Variants in DLG2 observed in about 807,000 individuals in gnomAD.
DLG2 encodes disks large homolog 2.
DLG2 carries 45 observed loss-of-function variants against 132.5 expected under a neutral mutation model. The ratio of observed to expected loss-of-function variants is 0.34; its 90% confidence interval spans 0.27 to 0.44. DLG2 has a LOEUF of 0.44. DLG2 is among the 20% of genes least tolerant of loss of function. The pLI is 1.00. For synonymous variants in DLG2, 424 were observed against 419.6 expected (o/e 1.01, Z -0.13); for missense variants, 1,045 against 1,196.9 (o/e 0.87, Z 1.87).
At chr11:84,673,165 C>A (rs1485935560) in intron 6 of DLG2, among the ~76,000 whole-genome samples, 8 of 152,048 alleles carry the variant, frequency 5.3e-5, no homozygotes, top group African/African-American at 1.9e-4. Flanking sequence ...CAAACCGTAT[C>A]ACCTGGACAT....
intron 3 of DLG2, among the ~76,000 whole-genome samples, chr11:85,381,328 G>C (rs1033104926): frequency 6.6e-6 from 1 of 152,156 alleles, no homozygotes; most frequent in Non-Finnish European, 1.5e-5. Flanking sequence ...GCATCAGTCT[G>C]TATAACAGAT....
chr11:84,046,590 A>T (rs1393422252), intron 11 of DLG2, among the ~76,000 whole-genome samples: 1 of 151,544 alleles, frequency 6.6e-6, no homozygotes, highest in Non-Finnish European at 1.5e-5. Flanking sequence ...CTCTTCCAGA[A>T]ATGTACCTAG....
intron 6 of DLG2, among the ~76,000 whole-genome samples, chr11:85,087,203 A>G (rs1285977077): frequency 6.6e-6 from 1 of 152,216 alleles, no homozygotes; most frequent in East Asian, 1.9e-4. Flanking sequence ...ATGTAATTTA[A>G]AAGCTAAGCA....
chr11:83,984,093 C>T (rs1057456767), intron 11 of DLG2, among the ~76,000 whole-genome samples: 7 of 151,864 alleles, frequency 4.6e-5, no homozygotes, highest in Non-Finnish European at 8.8e-5. Flanking sequence ...ACCATAAAAA[C>T]GGGTAAGTTC....
intron 21 of DLG2, among the ~76,000 whole-genome samples, chr11:83,525,627 T>C (rs528585361): frequency 6.6e-6 from 1 of 152,256 alleles, no homozygotes; most frequent in Non-Finnish European, 1.5e-5. Context: ...TTATTCACCT[T>C]GAGGGCAAAG....
intron 3 of DLG2, among the ~76,000 whole-genome samples, chr11:85,389,745 T>A (rs919389251): frequency 6.6e-6 from 1 of 152,126 alleles, no homozygotes. Context: ...AAGAATTTTG[T>A]ATATCCAGAG....
rs917667778 is a variant in DLG2 at position 85,303,504 on chromosome 11, T to C, written c.41-18139A>G. 2.6e-5 allele frequency among the ~76,000 whole-genome samples: 4 copies of C among 152,230 alleles called. 1 individual carries two copies. The South Asian group carries it at 8.3e-4, about 32-fold the overall frequency. On this transcript the variant is annotated intron_variant, in intron 3 of 27. Coordinates refer to ENST00000376104, the MANE Select transcript of DLG2 (RefSeq NM_001142699.3). ...GTGCTATTTATATGCAATGTACACA[T>C]ACCCATGTATGTTCCCCTTATTACC...
intron 4 of DLG2, among the ~76,000 whole-genome samples, chr11:85,236,380 C>A (rs1166816566): frequency 1.3e-5 from 2 of 151,860 alleles, no homozygotes; most frequent in African/African-American, 4.8e-5. Context: ...GAGTAGATTT[C>A]CTCTGAGACC....
chr11:83,800,899 C>T (rs1217332090), intron 17 of DLG2, among the ~76,000 whole-genome samples: 1 of 152,092 alleles, frequency 6.6e-6, no homozygotes, highest in African/African-American at 2.4e-5. Context: ...AAATATTATA[C>T]AAACACAAGC....
At chr11:85,018,754 T>G (rs905286811) in intron 6 of DLG2, among the ~76,000 whole-genome samples, 6 of 151,650 alleles carry the variant, frequency 4.0e-5, no homozygotes, top group African/African-American at 1.5e-4. Flanking sequence ...GTAATAAACG[T>G]GAATGAAAAA....
rs563764226 is a variant in DLG2 at position 84,987,665 on chromosome 11, G to A, written c.357+123996C>T. Among the ~76,000 whole-genome samples, 3 of 152,238 alleles carry A rather than the reference G, an allele frequency of 2.0e-5. No individual in the cohort carries two copies. The East Asian group carries it at 5.8e-4, about 29-fold the overall frequency. On this transcript the variant is annotated intron_variant, in intron 6 of 27. Transcript: ENST00000376104. The stretch of plus-strand genomic sequence containing the variant: ...ACAAAGCAAACAAAAACATAAAGTG[G>A]GGAAAAGACACCCTATTCAACAAAC...
intron 7 of DLG2, among the ~76,000 whole-genome samples, chr11:84,327,190 C>T (rs551027741): frequency 6.9e-6 from 1 of 144,802 alleles, no homozygotes; most frequent in Admixed American, 7.2e-5. Context: ...AATCTCGGCT[C>T]ACTTCAACCT....
intron 3 of DLG2, among the ~76,000 whole-genome samples, chr11:85,474,173 T>C (rs559737829): frequency 2.0e-4 from 30 of 152,100 alleles, no homozygotes; most frequent in African/African-American, 6.0e-4. Context: ...ACAACCAAAA[T>C]AGACTTTAAT....
intron 7 of DLG2, among the ~76,000 whole-genome samples, chr11:84,438,185 C>T (rs931896628): frequency 6.6e-6 from 1 of 152,150 alleles, no homozygotes; most frequent in African/African-American, 2.4e-5. Context: ...CCATTTGGTC[C>T]AAGGAATATC....
intron 5 of DLG2, among the ~76,000 whole-genome samples, chr11:85,150,742 G>C (rs2152452926): frequency 6.9e-6 from 1 of 144,624 alleles, no homozygotes; most frequent in South Asian, 2.3e-4. Context: ...GTGTGTGTGT[G>C]TGTGTGTGTA....
intron 6 of DLG2, among the ~76,000 whole-genome samples, chr11:84,784,321 A>AAAATAAATAAAT (rs58436058): frequency 0.033 from 4,122 of 124,344 alleles, 117 homozygotes; most frequent in African/African-American, 0.062. Flanking sequence ...ACTCCACCTC[A>AAAATAAATAAAT]AAATAAATAA....
chr11:83,619,385 A>G (rs1566084956), intron 19 of DLG2, among the ~76,000 whole-genome samples: 2 of 152,218 alleles, frequency 1.3e-5, no homozygotes, highest in African/African-American at 2.4e-5. Flanking sequence ...ATCTAAGAAA[A>G]TGTGGTATTT....
chr11:84,351,619 A>G (rs2098572676), intron 7 of DLG2, among the ~76,000 whole-genome samples: 1 of 152,196 alleles, frequency 6.6e-6, no homozygotes, highest in African/African-American at 2.4e-5. Context: ...GAGCGCCTGG[A>G]ACATAGTGGA....
At chr11:84,857,473 A>G (rs1312109559) in intron 6 of DLG2, among the ~76,000 whole-genome samples, 1 of 152,016 alleles carries the variant, frequency 6.6e-6, no homozygotes, top group Non-Finnish European at 1.5e-5. Context: ...AAGGCACAGG[A>G]GGAATCAGTC....
Sources: allele counts gnomAD v4.1 joint callset (sites outside exome capture counted in the v4.1 genomes callset), GRCh38; gene constraint gnomAD v4.1.1; transcripts MANE v1.5; gene names NCBI Gene and HGNC (gene_info 2026-07-23, HGNC 2026-07-21).